Variants in G3BP1 observed in about 807,000 individuals in gnomAD.
The protein encoded by G3BP1 is G3BP stress granule assembly factor 1, also known as ras GTPase-activating protein-binding protein 1.
A neutral mutation model predicts 58.6 loss-of-function variants in G3BP1; 35 were observed. That is an observed-to-expected ratio of 0.60 (90% CI 0.46 to 0.79). The LOEUF is 0.79. Ranked by LOEUF, G3BP1 falls within the 30% of genes least tolerant of loss-of-function variation. G3BP1 has a pLI of 0.00. For missense variants in G3BP1, 523 were observed against 580.8 expected, an observed-to-expected ratio of 0.90 and a Z score of 1.02; for synonymous variants, 191 against 195.4, an observed-to-expected ratio of 0.98 and a Z score of 0.19.
chr5:151,799,512 C>T (rs112880682), intron 8 of G3BP1, among the ~76,000 whole-genome samples, 199 bp downstream of exon 8: 434 of 152,098 alleles, frequency 2.9e-3, no homozygotes, highest in Middle Eastern at 0.01. Context: ...ATAGTGAGAC[C>T]CTGTCTCTAC....
At chr5:151,776,158 A>C (rs999225960) in intron 1 of G3BP1, among the ~76,000 whole-genome samples, 1 of 152,090 alleles carries the variant, frequency 6.6e-6, no homozygotes, top group Non-Finnish European at 1.5e-5. Context: ...ATGACACTTG[A>C]TCTCATTTGG....
Position 151,811,316 on chromosome 5 carries a change from T to C in G3BP1, c.*7225T>C, listed in dbSNP as rs1218966400. 6.6e-6 allele frequency: 1 copy of C among 152,224 alleles called. No homozygotes were observed. The highest frequency in any genetic ancestry group is 6.5e-5 in the Admixed American group (1 of 15,274). 9.4% of individuals were successfully genotyped at this position (152,224 alleles called of 1,614,324 possible). A position where few individuals can be genotyped will look rare whatever the true frequency, so the allele number is the denominator to read the frequency against. On this transcript the variant is annotated 3_prime_UTR_variant, in exon 12 of 12. Transcript: ENST00000356245. ...TCTGTGTCTGAGTCATCTTTGTATC[T>C]TGCCTAGCACCTATCAATAAATACT...
rs1300644181 is a variant in G3BP1 at position 151,804,128 on chromosome 5, G to A, written c.*37G>A. 2.8e-6 allele frequency: 4 copies of A among 1,446,678 alleles called. No homozygotes were observed. Among genetic ancestry groups the A allele is most frequent in the South Asian group, 1.3e-5 (1 of 78,324 alleles). The allele number at this position is 1,446,678 out of a possible 1,614,324, so 89.6% of individuals were successfully genotyped here. On this transcript the variant is annotated 3_prime_UTR_variant, in exon 12 of 12. Coordinates refer to ENST00000356245, the MANE Select transcript of G3BP1 (RefSeq NM_005754.3). ...TCTTCATGCAGCCATACAAACCCTG[G>A]TTCCAACAGAATGGTGAATTTTCGA...
chr5:151,811,751 A>G lies in G3BP1; in HGVS notation c.*7660A>G, dbSNP rs1763021909. On this transcript the variant is annotated 3_prime_UTR_variant, in exon 12 of 12. Coordinates refer to ENST00000356245, the MANE Select transcript of G3BP1 (RefSeq NM_005754.3). ...CAAGGTTGAGTGTCCAGTAAGAAGT[A>G]AAAATGTTACATTAAGGAAGCGATT... is the stretch of plus-strand genomic sequence containing the variant. 6.6e-6 allele frequency: 1 copy of G among 152,188 alleles called. No homozygotes were observed. The highest frequency in any genetic ancestry group is 2.4e-5 in the African/African-American group (1 of 41,450). The allele number at this position is 152,188 out of a possible 1,614,324, so 9.4% of individuals were successfully genotyped here.
intron 8 of G3BP1, among the ~76,000 whole-genome samples, 159 bp from the exon 9 acceptor site, chr5:151,799,728 CAT>C (rs1762817500): frequency 6.6e-6 from 1 of 151,070 alleles, no homozygotes; most frequent in South Asian, 2.1e-4. Flanking sequence ...ACAGAACTGA[CAT>C]ATAGGACGGA....
chr5:151,804,098 A>G lies in G3BP1; in HGVS notation c.*7A>G, dbSNP rs1254109098. On this transcript the variant is annotated 3_prime_UTR_variant, in exon 12 of 12. Coordinates refer to ENST00000356245, the MANE Select transcript of G3BP1 (RefSeq NM_005754.3). ...GCTTGCGCCACGGCAGTGAATCTTC[A>G]TGGATCTTCATGCAGCCATACAAAC... 2.5e-6 allele frequency: 4 copies of G among 1,571,440 alleles called. No individual in the cohort carries two copies. The highest frequency in any genetic ancestry group is 1.7e-4 in the Middle Eastern group (1 of 5,870).
At chr5:151,786,790 C>T (rs1343281254) in intron 2 of G3BP1, 75 bp downstream of exon 2, 5 of 892,268 alleles carry the variant, frequency 5.6e-6, no homozygotes, top group Non-Finnish European at 9.5e-6. Context: ...TTCTCCCACT[C>T]ATCATCTTAT....
intron 1 of G3BP1, among the ~76,000 whole-genome samples, chr5:151,778,269 C>T (rs1439823807): frequency 1.3e-5 from 2 of 152,082 alleles, no homozygotes; most frequent in Non-Finnish European, 2.9e-5. Context: ...TGTGTATGGT[C>T]AGTCTTTTTA....
chr5:151,801,997 A>T (rs545119942), intron 11 of G3BP1, among the ~76,000 whole-genome samples: 2 of 151,958 alleles, frequency 1.3e-5, no homozygotes, highest in South Asian at 2.1e-4. Context: ...TTGTATTTTT[A>T]GTAGACATGG....
chr5:151,803,151 A>G (rs1198820895), intron 11 of G3BP1, among the ~76,000 whole-genome samples: 1 of 152,222 alleles, frequency 6.6e-6, no homozygotes, highest in East Asian at 1.9e-4. Context: ...TAAAGAGCAA[A>G]TTAAAGTTTA....
chr5:151,794,620 C>T (rs529356600), intron 5 of G3BP1, among the ~76,000 whole-genome samples: 12 of 152,302 alleles, frequency 7.9e-5, no homozygotes, highest in Admixed American at 7.8e-4. Flanking sequence ...AGATCTATTA[C>T]AACAGGCAGT....
chr5:151,796,331 C>T (rs1045890395), intron 6 of G3BP1, among the ~76,000 whole-genome samples: 13 of 152,176 alleles, frequency 8.5e-5, no homozygotes, highest in South Asian at 2.1e-4. Context: ...TGCAGTGGCG[C>T]GATCTTGGCT....
chr5:151,799,174 C>A (rs1264689836), intron 7 of G3BP1, 38 bp from the exon 8 acceptor site: 2 of 963,722 alleles, frequency 2.1e-6, no homozygotes, highest in Non-Finnish European at 3.4e-6. Flanking sequence ...TGTTTTGATA[C>A]CTGGTATAAT....
intron 2 of G3BP1, chr5:151,787,917 G>A (rs185751074): frequency 0.012 from 2,042 of 171,396 alleles, 42 homozygotes; most frequent in African/African-American, 0.046. Context: ...GTGTGTGCAT[G>A]TGTGTGTGTG....
chr5:151,790,032 G>T (rs374548116), intron 2 of G3BP1, among the ~76,000 whole-genome samples: 1 of 151,068 alleles, frequency 6.6e-6, no homozygotes, highest in Non-Finnish European at 1.5e-5. Context: ...AATCAGCCAG[G>T]CATGGTGGCA....
chr5:151,783,769 C>CT lies in G3BP1; in HGVS notation c.-49-2795dup, dbSNP rs1015037186. ...TCAGTGAAGAACTTACCTAAACATTCTTTTTTTTCTGGAGATGGAGTCACG... is the reference window on the plus strand; with the variant it reads ...TCAGTGAAGAACTTACCTAAACATTCTTTTTTTTTCTGGAGATGGAGTCACG... On this transcript the variant is annotated intron_variant, in intron 1 of 11. Coordinates refer to ENST00000356245, the MANE Select transcript of G3BP1 (RefSeq NM_005754.3). Among the ~76,000 whole-genome samples, 10 of 151,744 alleles carry CT rather than the reference C, an allele frequency of 6.6e-5. No homozygotes were observed. In the East Asian group the frequency reaches 1.2e-3, roughly 18 times the overall value.
chr5:151,802,703 G>A (rs113767933), intron 11 of G3BP1, among the ~76,000 whole-genome samples: 51 of 152,340 alleles, frequency 3.3e-4, no homozygotes, highest in African/African-American at 1.2e-3. Context: ...GGAGGCCGAG[G>A]CGGGCGGATC....
rs148940045 is a variant in G3BP1 at position 151,793,319 on chromosome 5, G to A, written c.352-840G>A. Among the ~76,000 whole-genome samples the A allele has an allele frequency of 8.3e-3, 1,259 of 152,212 alleles. 27 individuals are homozygous for A. Among genetic ancestry groups the A allele is most frequent in the African/African-American group, 0.028 (1,155 of 41,520 alleles). On this transcript the variant is annotated intron_variant, in intron 4 of 11. Coordinates refer to ENST00000356245, the MANE Select transcript of G3BP1 (RefSeq NM_005754.3). Reference sequence around the variant, plus strand: ...AGATGGGGTTTCACCATATTGGCCAGGCTGGTCTTGAACTCCTGACCTTAG... The same window carrying A: ...AGATGGGGTTTCACCATATTGGCCAAGCTGGTCTTGAACTCCTGACCTTAG...
In G3BP1 at chr5:151,808,573, A is replaced by G. The variant is rs1400229220; in HGVS notation, c.*4482A>G. The G allele has an allele frequency of 3.3e-5, 5 of 152,242 alleles. No individual in the cohort carries two copies. The highest frequency in any genetic ancestry group is 3.3e-4 in the Admixed American group (5 of 15,282). 9.4% of individuals were successfully genotyped at this position (152,242 alleles called of 1,614,324 possible). ...TAATTCCCTGTAAGAGGAAAATAAT[A>G]TAGGGAATCTGTTCAACTATTCCTT... On this transcript the variant is annotated 3_prime_UTR_variant, in exon 12 of 12. Coordinates refer to ENST00000356245, the MANE Select transcript of G3BP1 (RefSeq NM_005754.3).
Sources: allele counts gnomAD v4.1 joint callset (sites outside exome capture counted in the v4.1 genomes callset), GRCh38; gene constraint gnomAD v4.1.1; transcripts MANE v1.5; gene names NCBI Gene and HGNC (gene_info 2026-07-23, HGNC 2026-07-21).